STS: variants seen among roughly 807,000 people sequenced by gnomAD.
STS encodes steryl-sulfatase.
In STS, 7 loss-of-function variants were observed where a neutral mutation model predicts 26.8. The observed-to-expected ratio is 0.26, with a 90% CI of 0.15 to 0.49. The LOEUF (loss-of-function observed/expected upper bound fraction) is 0.49. Ranked by LOEUF, STS falls within the 20% of genes least tolerant of loss-of-function variation. STS has a pLI of 0.98. For synonymous variants in STS, 199 were observed against 189.4 expected (o/e 1.05, Z -0.42); for missense variants, 434 against 465.6 (o/e 0.93, Z 0.63).
chrX:7,227,317 G>A (rs941106133), intron 2 of STS, among the ~76,000 whole-genome samples: 2 of 110,753 alleles, frequency 1.8e-5, no homozygotes, highest in Non-Finnish European at 3.8e-5. Context: ...CCTCTCAATA[G>A]TCCCACTCTC....
At chrX:7,223,264 C>T (rs895313558) in intron 2 of STS, among the ~76,000 whole-genome samples, 1 of 111,870 alleles carries the variant, frequency 8.9e-6, no homozygotes, top group Non-Finnish European at 1.9e-5. Context: ...GGTTCATACC[C>T]GGTAGTGGGA....
At chrX:7,263,157 C>T (rs1169853462) in intron 6 of STS, among the ~76,000 whole-genome samples, 7 of 111,562 alleles carry the variant, frequency 6.3e-5, no homozygotes, top group African/African-American at 2.0e-4. Context: ...CAATCTCCCC[C>T]TCCCGGGTTT....
rs1205702892 is a variant in STS, at chrX:7,326,103, G to T, written c.1241+605G>T. On this transcript the variant is annotated intron_variant, in intron 9 of 10. Transcript: ENST00000674429. ...ATTCTAGTTTCTCTGGCGCCTTGGGGTAGAGTGGGACTGAGAGACAGGAGG... is the reference window on the plus strand; with the variant it reads ...ATTCTAGTTTCTCTGGCGCCTTGGGTTAGAGTGGGACTGAGAGACAGGAGG... Among the ~76,000 whole-genome samples the T allele has an allele frequency of 3.6e-5, 4 of 111,068 alleles. No homozygotes were observed. In the East Asian group the frequency reaches 1.1e-3, roughly 31 times the overall value.
At chrX:7,233,233 A>G (rs1253958095) in intron 2 of STS, among the ~76,000 whole-genome samples, 7 of 108,259 alleles carry the variant, frequency 6.5e-5, no homozygotes, top group African/African-American at 1.0e-4. Flanking sequence ...AGCTGGGATT[A>G]TAGGCATGTG....
intron 2 of STS, among the ~76,000 whole-genome samples, chrX:7,221,399 C>T (rs1168244551): frequency 3.6e-5 from 4 of 112,430 alleles, no homozygotes; most frequent in African/African-American, 6.5e-5. Context: ...CTCTCTGGTT[C>T]GGTACAAAGC....
At chrX:7,269,586 G>T (rs1330549266) in intron 6 of STS, among the ~76,000 whole-genome samples, 2 of 110,397 alleles carry the variant, frequency 1.8e-5, no homozygotes, top group African/African-American at 6.6e-5. Flanking sequence ...TGAACTGTGG[G>T]TTGCTGATGG....
At chrX:7,260,057 A>G (rs1601694219) in intron 6 of STS, among the ~76,000 whole-genome samples, 1 of 111,466 alleles carries the variant, frequency 9.0e-6, no homozygotes, top group East Asian at 2.9e-4. Flanking sequence ...TTGTATTTTT[A>G]GTAGAGACGG....
intron 2 of STS, among the ~76,000 whole-genome samples, chrX:7,239,159 A>T (rs1601677009): frequency 8.9e-6 from 1 of 112,029 alleles, no homozygotes; most frequent in East Asian, 2.8e-4. Context: ...TTTATTTTAG[A>T]AAAATCACAA....
At chrX:7,187,124 G>A (rs948601188) in intron 1 of STS, among the ~76,000 whole-genome samples, 10 of 112,142 alleles carry the variant, frequency 8.9e-5, no homozygotes, top group Non-Finnish European at 1.7e-4. Flanking sequence ...AGCAGCAGCT[G>A]GGGGAGGAAG....
At chrX:7,241,723 C>T (rs1159577404) in intron 2 of STS, among the ~76,000 whole-genome samples, 9 of 111,887 alleles carry the variant, frequency 8.0e-5, no homozygotes, top group Non-Finnish European at 1.9e-5. Context: ...AAGCAACTTG[C>T]GTTTGTTATC....
At chrX:7,182,875 C>A (rs750977928) in intron 1 of STS, among the ~76,000 whole-genome samples, 1 of 110,766 alleles carries the variant, frequency 9.0e-6, no homozygotes, top group Non-Finnish European at 1.9e-5. Flanking sequence ...GTGATTCCCA[C>A]GACCTCAGAA....
intron 2 of STS, among the ~76,000 whole-genome samples, chrX:7,239,378 C>T (rs1027656627): frequency 3.6e-4 from 40 of 111,969 alleles, no homozygotes; most frequent in Admixed American, 5.7e-4. Flanking sequence ...TATTGTTTGT[C>T]GTGCAAGTTT....
At chrX:7,236,722 A>ATT in intron 2 of STS, among the ~76,000 whole-genome samples, 1 of 112,304 alleles carries the variant, frequency 8.9e-6, no homozygotes, top group Middle Eastern at 4.2e-3. Context: ...TTTTTTCCTG[A>ATT]TAAAGTATTT....
At chrX:7,208,796 G>A (rs1920970142) in intron 2 of STS, among the ~76,000 whole-genome samples, 1 of 111,688 alleles carries the variant, frequency 9.0e-6, no homozygotes, top group South Asian at 3.7e-4. Context: ...CACAAAGTGG[G>A]TTTCACTGTC....
intron 1 of STS, among the ~76,000 whole-genome samples, chrX:7,180,064 G>T (rs1213039589): frequency 9.0e-6 from 1 of 111,457 alleles, no homozygotes; most frequent in Non-Finnish European, 1.9e-5. Flanking sequence ...CTACGGCAGT[G>T]GTCCCCAACC....
chrX:7,164,389 G>A (rs1933308032), intron 1 of STS, among the ~76,000 whole-genome samples: 2 of 111,385 alleles, frequency 1.8e-5, no homozygotes, highest in Non-Finnish European at 3.8e-5. Context: ...ATCATCATGT[G>A]CTTCTGTGTG....
chrX:7,263,911 G>A (rs182457702), intron 6 of STS, among the ~76,000 whole-genome samples: 23 of 111,757 alleles, frequency 2.1e-4, no homozygotes, highest in African/African-American at 7.1e-4. Context: ...GGAAGCTATA[G>A]GAGATATACA....
intron 7 of STS, among the ~76,000 whole-genome samples, chrX:7,296,819 C>T (rs1228220872): frequency 1.8e-5 from 2 of 112,120 alleles, no homozygotes; most frequent in Non-Finnish European, 3.8e-5. Flanking sequence ...GGGTAAATCA[C>T]ACATTACGAC....
intron 2 of STS, among the ~76,000 whole-genome samples, chrX:7,221,345 A>G (rs1200084932): frequency 1.8e-5 from 2 of 112,495 alleles, no homozygotes; most frequent in African/African-American, 6.5e-5. Context: ...TCATTGATGT[A>G]AATTATGGAA....
Sources: allele counts gnomAD v4.1 joint callset (sites outside exome capture counted in the v4.1 genomes callset), GRCh38; gene constraint gnomAD v4.1.1; transcripts MANE v1.5; gene names NCBI Gene and HGNC (gene_info 2026-07-23, HGNC 2026-07-21).